Variants in TOLLIP observed in about 807,000 individuals in gnomAD.
TOLLIP encodes toll-interacting protein.
TOLLIP carries 16 observed loss-of-function variants against 33.5 expected under a neutral mutation model. The ratio of observed to expected loss-of-function variants is 0.48; its 90% CI spans 0.32 to 0.72. The LOEUF is 0.72. TOLLIP is among the 30% of genes least tolerant of loss of function. The probability of loss-of-function intolerance (pLI) is 0.03; values close to 1 mark genes in which losing one functional copy is unlikely to be tolerated. For missense variants in TOLLIP, 325 were observed against 396.6 expected, an observed-to-expected ratio of 0.82 and a Z score of 1.53; for synonymous variants, 176 against 163.7, an observed-to-expected ratio of 1.07 and a Z score of -0.57.
chr11:1,285,937 C>T (rs957724717), intron 5 of TOLLIP, 65 bp downstream of exon 5: 15 of 1,355,772 alleles, frequency 1.1e-5, no homozygotes, highest in South Asian at 3.9e-5. Context: ...TCCCTCCTCC[C>T]GCACCTGCCC....
chr11:1,295,527 G>T, intron 2 of TOLLIP, 118 bp downstream of exon 2: 1 of 1,261,704 alleles, frequency 7.9e-7, no homozygotes, highest in Non-Finnish European at 1.1e-6. Context: ...CAGGAAAAGC[G>T]GGAATCAGAA....
intron 2 of TOLLIP, chr11:1,291,173 T>C (rs1449842856): frequency 6.6e-6 from 1 of 152,184 alleles, no homozygotes; most frequent in African/African-American, 2.4e-5. Flanking sequence ...GGTTCAAATA[T>C]AAAACCTAAA....
chr11:1,291,563 C>T lies in TOLLIP; in HGVS notation c.184-1154G>A, dbSNP rs1863945362. Among the ~76,000 whole-genome samples the T allele has an allele frequency of 2.0e-5, 3 of 150,604 alleles. No homozygotes were observed. The South Asian group carries it at 6.4e-4, about 32-fold the overall frequency. Reference sequence around the variant, plus strand: ...GGCACGGCCACCCCATCCTCACTGACGCCCCTCTGAGGGCACGGCCACCCT... The same window carrying T: ...GGCACGGCCACCCCATCCTCACTGATGCCCCTCTGAGGGCACGGCCACCCT... On this transcript the variant is annotated intron_variant, in intron 2 of 5. Transcript: ENST00000317204.
intron 1 of TOLLIP, among the ~76,000 whole-genome samples, chr11:1,299,445 A>G (rs1864202958): frequency 6.6e-6 from 1 of 152,150 alleles, no homozygotes; most frequent in African/African-American, 2.4e-5. Flanking sequence ...AGTAAACCCT[A>G]TCGTTTCAGT....
rs980814400 is a variant in TOLLIP at position 1,295,712 on chromosome 11, G to A, written c.116C>T (p.Ala39Val). 1.2e-5 allele frequency: 19 copies of A among 1,610,856 alleles called. No homozygotes were observed. The Admixed American group carries it at 1.7e-4, about 14-fold the overall frequency. The change falls in exon 2 of 6, where the codon GCG becomes GTG. Residue 39 changes from alanine (A) to valine (V), a missense_variant. Coordinates refer to ENST00000317204, the MANE Select transcript of TOLLIP (RefSeq NM_019009.4). ...QQRQVQLDAQ[A>V]AQQLQYGGAV... is the part of the protein sequence containing the mutation. The stretch of plus-strand genomic sequence containing the variant: ...GCCTCCGTACTGCAGCTGCTGGGCC[G>A]CCTGGGCGTCCAGCTGGACCTGCCG...
chr11:1,298,054 A>G (rs1864162887), intron 1 of TOLLIP: 1 of 152,384 alleles, frequency 6.6e-6, no homozygotes, highest in Non-Finnish European at 1.5e-5. Flanking sequence ...AGCCCATGCC[A>G]GCAGGCTCTA....
At chr11:1,280,496 G>A (rs904959845) in intron 5 of TOLLIP, among the ~76,000 whole-genome samples, 1 of 152,040 alleles carries the variant, frequency 6.6e-6, no homozygotes, top group Non-Finnish European at 1.5e-5. Context: ...GAGGGACTGC[G>A]CCGGTGAGGA....
chr11:1,286,223 C>A, intron 4 of TOLLIP, 131 bp from the exon 5 acceptor site: 1 of 677,082 alleles, frequency 1.5e-6, no homozygotes. Context: ...AGCCCAGAAT[C>A]ACCCTCGCTA....
intron 5 of TOLLIP, among the ~76,000 whole-genome samples, chr11:1,281,944 G>C (rs1053755315): frequency 6.6e-6 from 1 of 152,242 alleles, no homozygotes; most frequent in African/African-American, 2.4e-5. Context: ...CGCAGACTTC[G>C]CCCTTCAGCT....
intron 2 of TOLLIP, chr11:1,295,326 C>T (rs990542519): frequency 2.8e-5 from 7 of 245,902 alleles, no homozygotes; most frequent in Admixed American, 1.1e-4. Flanking sequence ...GTGCCGGCCG[C>T]GCCTCCTCCA....
chr11:1,299,249 C>A (rs926073348), intron 1 of TOLLIP, among the ~76,000 whole-genome samples: 7 of 152,210 alleles, frequency 4.6e-5, no homozygotes, highest in African/African-American at 1.7e-4. Flanking sequence ...GAGACGGAGA[C>A]CAGGCTTCAG....
intron 5 of TOLLIP, among the ~76,000 whole-genome samples, chr11:1,281,991 G>T (rs1487165076): frequency 1.3e-5 from 2 of 152,214 alleles, no homozygotes; most frequent in African/African-American, 4.8e-5. Flanking sequence ...GTGATCACAG[G>T]TACTCAGAAG....
Position 1,277,309 on chromosome 11 carries a change from C to G in TOLLIP, c.611-56G>C, listed in dbSNP as rs5744014. The G allele has an allele frequency of 0.037, 50,228 of 1,371,694 alleles. 1,180 individuals carry two copies. The highest frequency in any genetic ancestry group is 0.087 in the Middle Eastern group (377 of 4,338). The allele number at this position is 1,371,694 out of a possible 1,614,324, so 85.0% of individuals were successfully genotyped here. A position where few individuals can be genotyped will look rare whatever the true frequency, so the allele number is the denominator to read the frequency against. On this transcript the variant is annotated intron_variant, in intron 5 of 5. Coordinates refer to ENST00000317204, the MANE Select transcript of TOLLIP (RefSeq NM_019009.4). The surrounding 1 kb of genome is among the most constrained non-coding windows in gnomAD (Gnocchi z 4.2). ...GTCGGAAAGTTCCAGAAGTGCCACACTAGCTCCTGCTGAAGGAAGAAAACA... is the reference window on the plus strand; with the variant it reads ...GTCGGAAAGTTCCAGAAGTGCCACAGTAGCTCCTGCTGAAGGAAGAAAACA...
At chr11:1,293,614 G>A (rs1442875624) in intron 2 of TOLLIP, among the ~76,000 whole-genome samples, 2 of 152,276 alleles carry the variant, frequency 1.3e-5, no homozygotes, top group Non-Finnish European at 2.9e-5. Context: ...CGCCACAGAA[G>A]GCTGGGTGAG....
In TOLLIP at chr11:1,277,226, A is replaced by G. The variant is rs746904361; in HGVS notation, c.638T>C (p.Met213Thr). ...GGCCGGGGGCAGGGCCACGGGCACCATGCCGGGGCTACAGACAGCGGGCAT... is the reference window on the plus strand; with the variant it reads ...GGCCGGGGGCAGGGCCACGGGCACCGTGCCGGGGCTACAGACAGCGGGCAT... ...TGMPAVCSPG[M>T]VPVALPPAAV... The change falls in exon 6 of 6, where the codon ATG (methionine) becomes ACG (threonine). Residue 213 changes from methionine (M) to threonine (T), a missense_variant. Met to Thr is a moderately conservative substitution (Grantham distance 81, BLOSUM62 -1). Transcript: ENST00000317204. The surrounding 1 kb of genome is among the most constrained non-coding windows in gnomAD (Gnocchi z 4.2). 3.2e-6 allele frequency: 5 copies of G among 1,582,006 alleles called. No individual in the cohort carries two copies. The South Asian group carries it at 5.6e-5, about 18-fold the overall frequency.
chr11:1,295,860 C>T (rs1864098567), intron 1 of TOLLIP, 66 bp from the exon 2 acceptor site: 3 of 1,485,328 alleles, frequency 2.0e-6, no homozygotes, highest in Non-Finnish European at 2.7e-6. Flanking sequence ...CCGACAGCAG[C>T]TGCCCCCGGC....
At chr11:1,282,938 AAAAT>A (rs1036005626) in intron 5 of TOLLIP, among the ~76,000 whole-genome samples, 11 of 151,866 alleles carry the variant, frequency 7.2e-5, no homozygotes, top group East Asian at 5.8e-4. Flanking sequence ...AAATATAATT[AAAAT>A]AAATAAATAA....
intron 5 of TOLLIP, among the ~76,000 whole-genome samples, chr11:1,279,024 A>G (rs1590204377): frequency 6.6e-6 from 1 of 152,162 alleles, no homozygotes; most frequent in East Asian, 1.9e-4. Context: ...TGGCAACATG[A>G]GGAACGGAGG....
intron 5 of TOLLIP, among the ~76,000 whole-genome samples, chr11:1,280,296 C>T (rs555703479): frequency 2.6e-5 from 4 of 152,350 alleles, no homozygotes; most frequent in East Asian, 1.9e-4. Context: ...CTGCGAACGC[C>T]GGCTGCTCCC....
Sources: gnomAD v4.1 joint callset for allele counts (sites outside exome capture counted in the v4.1 genomes callset) on GRCh38, gnomAD v4.1.1 for gene constraint, Gnocchi (gnomAD v3.1) non-coding constraint, MANE v1.5 for transcripts, NCBI Gene and HGNC (gene_info 2026-07-23, HGNC 2026-07-21) for gene names.